CIT: variants seen among roughly 807,000 people sequenced by gnomAD.
The protein encoded by CIT is citron Rho-interacting kinase.
CIT carries 79 observed loss-of-function variants against 272.7 expected under a neutral mutation model. The ratio of observed to expected loss-of-function variants is 0.29; its 90% CI spans 0.24 to 0.35. CIT has a LOEUF of 0.35. Ranked by LOEUF, CIT falls within the 10% of genes least tolerant of loss-of-function variation. CIT has a pLI of 1.00. For missense variants in CIT, 1,909 were observed against 2,618.3 expected (o/e 0.73, Z 5.91); for synonymous variants, 948 against 995.6 (o/e 0.95, Z 0.90).
At chr12:119,865,595 C>T (rs1035224421) in intron 3 of CIT, among the ~76,000 whole-genome samples, 3 of 152,130 alleles carry the variant, frequency 2.0e-5, no homozygotes, top group East Asian at 1.9e-4. Flanking sequence ...TCCCAATGGG[C>T]GTGGTGGCTC....
At chr12:119,813,050 C>A (rs1966869625) in intron 9 of CIT, among the ~76,000 whole-genome samples, 2 of 152,320 alleles carry the variant, frequency 1.3e-5, no homozygotes, top group East Asian at 1.9e-4. Context: ...GCAAGGCCCC[C>A]CTCCGACCCC....
At position 119,733,977 on chromosome 12, in the gene CIT, G is replaced by A. The variant is rs114518485; in HGVS notation, c.3350+187C>T. 2.4e-3 allele frequency among the ~76,000 whole-genome samples: 362 copies of A among 152,028 alleles called. 1 individual carries two copies. Among genetic ancestry groups the A allele is most frequent in the African/African-American group, 7.0e-3 (289 of 41,458 alleles). ...ACAGAATCCAACTCACACTATCTAC[G>A]TTTACAACTAGGGTGACCACCCTAT... On this transcript the variant is annotated intron_variant, in intron 26 of 47. Coordinates refer to ENST00000392521, the MANE Select transcript of CIT (RefSeq NM_001206999.2).
chr12:119,704,875 G>A (rs1956793668), intron 40 of CIT, among the ~76,000 whole-genome samples: 1 of 152,200 alleles, frequency 6.6e-6, no homozygotes, highest in Non-Finnish European at 1.5e-5. Context: ...TGAGGGAAGG[G>A]AGAGGAAAGG....
intron 20 of CIT, 25 bp from the exon 21 acceptor site, chr12:119,758,725 C>G (rs1288940416): frequency 6.9e-7 from 1 of 1,448,554 alleles, no homozygotes; most frequent in Non-Finnish European, 9.7e-7. Context: ...ACCTATGAAA[C>G]TTCACACACC....
chr12:119,686,721 G>A lies in CIT; in HGVS notation c.*1511C>T, dbSNP rs538263849. On this transcript the variant is annotated 3_prime_UTR_variant, in exon 48 of 48. Coordinates refer to ENST00000392521, the MANE Select transcript of CIT (RefSeq NM_001206999.2). ...GATGCCTTGTGGGAGATTAAAGGCA[G>A]AAATAAGGCCGCGAGTTAGCTTGCC... 3.3e-5 allele frequency: 5 copies of A among 152,618 alleles called. No homozygotes were observed. Among genetic ancestry groups the A allele is most frequent in the African/African-American group, 9.6e-5 (4 of 41,572 alleles). 9.5% of individuals were successfully genotyped at this position (152,618 alleles called of 1,614,324 possible).
chr12:119,874,453 T>C (rs1594025779), intron 2 of CIT, among the ~76,000 whole-genome samples: 2 of 152,152 alleles, frequency 1.3e-5, no homozygotes, highest in Non-Finnish European at 2.9e-5. Context: ...CAATTCTAAA[T>C]CTTCATGGTC....
chr12:119,816,915 T>C (rs1967238198), intron 9 of CIT, among the ~76,000 whole-genome samples: 2 of 152,210 alleles, frequency 1.3e-5, no homozygotes. Context: ...AGCACAGCGA[T>C]GCTGTTCAAC....
chr12:119,701,708 C>T lies in CIT; in HGVS notation c.5458G>A (p.Ala1820Thr). 2 of 1,614,214 alleles carry T rather than the reference C, an allele frequency of 1.2e-6. No individual in the cohort carries two copies. Among genetic ancestry groups the T allele is most frequent in the Non-Finnish European group, 8.5e-7 (1 of 1,180,046 alleles). ...ACAGGGAAGCTGTTGGAAGAGGCGG[C>T]AAACACAGCAGGTGCCAAGGAATGG... ...NDHSLAPAVF[A>T]ASSNSFPVSI... The change falls in exon 43 of 48, where the codon GCC becomes ACC. Residue 1820 changes from alanine (A) to threonine (T), a missense_variant. Transcript: ENST00000392521.
Position 119,712,925 on chromosome 12 carries a change from C to A in CIT, c.4580-230G>T, listed in dbSNP as rs368843912. ...CACAGTCAAATTTCTGATGACGATGCGGATTTATGGGTTAGTTGACTGAGG... is the reference window on the plus strand; with the variant it reads ...CACAGTCAAATTTCTGATGACGATGAGGATTTATGGGTTAGTTGACTGAGG... On this transcript the variant is annotated intron_variant, in intron 35 of 47. Transcript: ENST00000392521. This position sits in a 1 kb window ranked among gnomAD's most constrained non-coding sequence, Gnocchi z 5.2. The A allele has an allele frequency of 3.8e-5, 22 of 573,444 alleles. No individual in the cohort carries two copies. Among genetic ancestry groups the A allele is most frequent in the Non-Finnish European group, 6.5e-5 (21 of 323,560 alleles). 35.5% of individuals were successfully genotyped at this position (573,444 alleles called of 1,614,324 possible). A position where few individuals can be genotyped will look rare whatever the true frequency, so the allele number is the denominator to read the frequency against.
intron 23 of CIT, chr12:119,742,784 C>T (rs1959121058): frequency 4.4e-6 from 1 of 228,594 alleles, no homozygotes; most frequent in South Asian, 9.1e-5. Context: ...GTTTTACTCT[C>T]CTTCATTTGT....
rs753209630 is a variant in CIT, at chr12:119,697,880, C to T, written c.5703-42G>A. 1.2e-6 allele frequency: 2 copies of T among 1,613,244 alleles called. No homozygotes were observed. Among genetic ancestry groups the T allele is most frequent in the East Asian group, 2.2e-5 (1 of 44,866 alleles). On this transcript the variant is annotated intron_variant, in intron 45 of 47. Coordinates refer to ENST00000392521, the MANE Select transcript of CIT (RefSeq NM_001206999.2). This position sits in a 1 kb window ranked among gnomAD's most constrained non-coding sequence, Gnocchi z 4.9. Reference sequence around the variant, plus strand: ...TTCCAGTTACCTTCATTGCAGGCTACCTCCATTGCTAGGCAAGTTAGGAAG... The same window carrying T: ...TTCCAGTTACCTTCATTGCAGGCTATCTCCATTGCTAGGCAAGTTAGGAAG...
At position 119,830,843 on chromosome 12, in the gene CIT, AT is replaced by A. The variant is rs1254327008; in HGVS notation, c.753+1927del. On this transcript the variant is annotated intron_variant, in intron 7 of 47. Coordinates refer to ENST00000392521, the MANE Select transcript of CIT (RefSeq NM_001206999.2). ...GCTTCAATTTATTTCTAAATCCATG[AT>A]TTTTTTTTAATTTCACGAATGCAGC... Among the ~76,000 whole-genome samples, 5 of 151,868 alleles carry A rather than the reference AT, an allele frequency of 3.3e-5. No homozygotes were observed. The East Asian group carries it at 5.8e-4, about 18-fold the overall frequency.
Position 119,770,554 on chromosome 12 carries a change from T to C in CIT, c.2208+231A>G, listed in dbSNP as rs972839520. ...TAAAAAAAAAAAAAAAGCCAGGCTG[T>C]AGCAAACAGAGCAAAAAACGATATT... is the stretch of plus-strand genomic sequence containing the variant. On this transcript the variant is annotated intron_variant, in intron 18 of 47. Coordinates refer to ENST00000392521, the MANE Select transcript of CIT (RefSeq NM_001206999.2). The surrounding 1 kb of genome is among the most constrained non-coding windows in gnomAD (Gnocchi z 4.4). Among the ~76,000 whole-genome samples the C allele has an allele frequency of 6.7e-6, 1 of 149,248 alleles. No homozygotes were observed. The highest frequency in any genetic ancestry group is 1.5e-5 in the Non-Finnish European group (1 of 67,668).
chr12:119,731,144 A>G (rs1958415371), intron 26 of CIT, among the ~76,000 whole-genome samples: 1 of 151,768 alleles, frequency 6.6e-6, no homozygotes, highest in Admixed American at 6.6e-5. Context: ...AACAAAAACA[A>G]AAACAAAGTT....
At chr12:119,762,463 C>A (rs956004662) in intron 19 of CIT, among the ~76,000 whole-genome samples, 11 of 152,142 alleles carry the variant, frequency 7.2e-5, no homozygotes, top group Non-Finnish European at 4.4e-5. Context: ...CAAAGCAGAA[C>A]AGGCTAAAAA....
At chr12:119,847,340 C>T (rs556863814) in intron 5 of CIT, among the ~76,000 whole-genome samples, 22 of 151,706 alleles carry the variant, frequency 1.5e-4, no homozygotes, top group African/African-American at 5.1e-4. Context: ...ACGCCTATAA[C>T]CCCAGCACTT....
intron 9 of CIT, among the ~76,000 whole-genome samples, chr12:119,806,698 C>T (rs1048759124): frequency 2.2e-5 from 3 of 138,240 alleles, no homozygotes; most frequent in Non-Finnish European, 3.0e-5. Flanking sequence ...TCAACAACTA[C>T]ACCTTACGGG....
At chr12:119,762,655 C>T (rs1961950824) in intron 19 of CIT, among the ~76,000 whole-genome samples, 1 of 152,130 alleles carries the variant, frequency 6.6e-6, no homozygotes, top group South Asian at 2.1e-4. Context: ...TTCAGGATGC[C>T]TCTGCTCAAA....
At chr12:119,743,437 A>C (rs965788309) in intron 23 of CIT, among the ~76,000 whole-genome samples, 1 of 152,190 alleles carries the variant, frequency 6.6e-6, no homozygotes, top group Non-Finnish European at 1.5e-5. Context: ...GAACAACAAC[A>C]ACCAAAAAAA....
Sources: gnomAD v4.1 joint callset for allele counts (sites outside exome capture counted in the v4.1 genomes callset) on GRCh38, gnomAD v4.1.1 for gene constraint, Gnocchi (gnomAD v3.1) non-coding constraint, MANE v1.5 for transcripts, NCBI Gene and HGNC (gene_info 2026-07-23, HGNC 2026-07-21) for gene names.